The following SMYD3 variants were observed in gnomAD, a reference collection of about 807,000 sequenced individuals.
SMYD3 encodes SET and MYND domain containing 3.
A neutral mutation model predicts 57.7 loss-of-function variants in SMYD3; 36 were observed. The observed-to-expected ratio is 0.62, with a 90% CI of 0.48 to 0.82. The LOEUF (loss-of-function observed/expected upper bound fraction) is 0.82. Ranked by LOEUF, SMYD3 falls within the 40% of genes least tolerant of loss-of-function variation. SMYD3 has a pLI of 0.00. For synonymous variants in SMYD3, 211 were observed against 195.0 expected, an observed-to-expected ratio of 1.08 and a Z score of -0.68; for missense variants, 515 against 538.8, an observed-to-expected ratio of 0.96 and a Z score of 0.44.
At chr1:245,774,748 TGAG>T (rs2046490735) in intron 10 of SMYD3, among the ~76,000 whole-genome samples, 2 of 146,294 alleles carry the variant, frequency 1.4e-5, no homozygotes, top group East Asian at 2.1e-4. Context: ...CCTCTGATGC[TGAG>T]CCGAAGCTGG....
intron 5 of SMYD3, among the ~76,000 whole-genome samples, chr1:246,034,946 CACAG>C (rs1300870413): frequency 1.3e-5 from 2 of 152,158 alleles, no homozygotes; most frequent in Non-Finnish European, 2.9e-5. Context: ...AATACAGACA[CACAG>C]ACACCTTCCT....
chr1:245,849,788 G>T (rs577759246), intron 10 of SMYD3, among the ~76,000 whole-genome samples: 1 of 152,066 alleles, frequency 6.6e-6, no homozygotes, highest in Non-Finnish European at 1.5e-5. Flanking sequence ...TGGTGGCTGG[G>T]ACTACAGGCA....
chr1:246,118,543 G>A (rs1164557958), intron 5 of SMYD3, among the ~76,000 whole-genome samples: 2 of 152,172 alleles, frequency 1.3e-5, no homozygotes, highest in Non-Finnish European at 2.9e-5. Context: ...GAATGTCAGC[G>A]ATGGGAAACA....
At chr1:246,002,008 C>A (rs1360461465) in intron 5 of SMYD3, among the ~76,000 whole-genome samples, 1 of 152,144 alleles carries the variant, frequency 6.6e-6, no homozygotes, top group Non-Finnish European at 1.5e-5. Context: ...ATACTTTCCA[C>A]ATCCACCACT....
At chr1:245,849,521 C>T (rs1465754735) in intron 10 of SMYD3, among the ~76,000 whole-genome samples, 1 of 152,132 alleles carries the variant, frequency 6.6e-6, no homozygotes, top group Non-Finnish European at 1.5e-5. Context: ...TTCTCTAGAA[C>T]CCAGTGTTGA....
intron 5 of SMYD3, among the ~76,000 whole-genome samples, chr1:246,192,674 A>G (rs1254274771): frequency 2.6e-5 from 4 of 152,220 alleles, no homozygotes; most frequent in African/African-American, 9.6e-5. Flanking sequence ...TATAACTTTA[A>G]AAGGGTTAAG....
intron 5 of SMYD3, among the ~76,000 whole-genome samples, chr1:246,169,088 C>A (rs1214425533): frequency 6.6e-6 from 1 of 152,042 alleles, no homozygotes; most frequent in African/African-American, 2.4e-5. Flanking sequence ...CTTAGAGAGC[C>A]TGGCTTTTCT....
At chr1:245,824,051 C>T (rs2049327763) in intron 10 of SMYD3, among the ~76,000 whole-genome samples, 1 of 152,172 alleles carries the variant, frequency 6.6e-6, no homozygotes, top group African/African-American at 2.4e-5. Flanking sequence ...AGCTTCCTCC[C>T]CTACTCACGA....
At chr1:246,049,830 C>G (rs143055676) in intron 5 of SMYD3, among the ~76,000 whole-genome samples, 94 of 152,252 alleles carry the variant, frequency 6.2e-4, no homozygotes, top group African/African-American at 2.2e-3. Flanking sequence ...CACAAACCCT[C>G]GGAAGGAAGA....
intron 2 of SMYD3, among the ~76,000 whole-genome samples, chr1:246,341,095 A>G (rs1056945284): frequency 2.0e-5 from 3 of 152,236 alleles, no homozygotes; most frequent in Non-Finnish European, 4.4e-5. Context: ...CTTTCTCTTT[A>G]TAGCTTTCCA....
At chr1:246,453,152 G>C (rs79189889) in intron 1 of SMYD3, among the ~76,000 whole-genome samples, 3,544 of 152,266 alleles carry the variant, frequency 0.023, 46 homozygotes, top group Non-Finnish European at 0.035. Context: ...CAGAGGGAGA[G>C]AGCAAGGCAC....
chr1:246,112,157 G>A lies in SMYD3; in HGVS notation c.532-182220C>T, dbSNP rs543236549. ...GAAGTCTTCAGTTCACAGAATGACT[G>A]ACTTATTTTCAAAAGAGGAAGGCTG... On this transcript the variant is annotated intron_variant, in intron 5 of 11. Transcript: ENST00000490107. Among the ~76,000 whole-genome samples, 9 of 152,244 alleles carry A rather than the reference G, an allele frequency of 5.9e-5. 1 individual carries two copies. In the South Asian group the frequency reaches 1.7e-3, roughly 28 times the overall value.
intron 5 of SMYD3, among the ~76,000 whole-genome samples, chr1:246,175,839 CAT>C (rs1288844035): frequency 5.9e-5 from 9 of 152,250 alleles, no homozygotes; most frequent in East Asian, 3.9e-4. Flanking sequence ...GTAAATGAAA[CAT>C]GTGTAAAGTA....
At chr1:246,138,606 T>C (rs1572092720) in intron 5 of SMYD3, among the ~76,000 whole-genome samples, 4 of 139,882 alleles carry the variant, frequency 2.9e-5, no homozygotes, top group Admixed American at 7.5e-5. Context: ...TTTGTATTTT[T>C]AGTAGAGACG....
At chr1:246,323,700 T>C (rs910888191) in intron 5 of SMYD3, among the ~76,000 whole-genome samples, 2 of 152,132 alleles carry the variant, frequency 1.3e-5, no homozygotes, top group Admixed American at 6.5e-5. Flanking sequence ...TGATAGATAA[T>C]TTTGAGATTT....
intron 5 of SMYD3, among the ~76,000 whole-genome samples, chr1:245,934,275 C>T (rs111377364): frequency 0.02 from 2,986 of 152,270 alleles, 101 homozygotes; most frequent in African/African-American, 0.067. Context: ...TTGGCAGGTA[C>T]GAAAACCAGA....
chr1:246,212,733 T>C (rs899073272), intron 5 of SMYD3, among the ~76,000 whole-genome samples: 1 of 152,192 alleles, frequency 6.6e-6, no homozygotes, highest in African/African-American at 2.4e-5. Flanking sequence ...CAAGCATTTT[T>C]AGACCAGCAG....
chr1:246,159,534 C>T (rs917735050), intron 5 of SMYD3, among the ~76,000 whole-genome samples: 3 of 152,010 alleles, frequency 2.0e-5, no homozygotes, highest in African/African-American at 7.3e-5. Context: ...TTGCTTTTAA[C>T]TGGCATGAAT....
At chr1:245,943,670 G>A (rs2057335125) in intron 5 of SMYD3, among the ~76,000 whole-genome samples, 1 of 151,920 alleles carries the variant, frequency 6.6e-6, no homozygotes, top group Non-Finnish European at 1.5e-5. Context: ...CCTGGCAGAG[G>A]TACAACAAAA....
Sources: gnomAD v4.1 joint callset for allele counts (sites outside exome capture counted in the v4.1 genomes callset) on GRCh38, gnomAD v4.1.1 for gene constraint, MANE v1.5 for transcripts, NCBI Gene and HGNC (gene_info 2026-07-23, HGNC 2026-07-21) for gene names.